Variants in CA10 observed in about 807,000 individuals in gnomAD.
CA10 encodes carbonic anhydrase-related protein 10.
CA10 carries 14 observed loss-of-function variants against 44.2 expected under a neutral mutation model. The observed-to-expected ratio is 0.32, with a 90% CI of 0.21 to 0.50. The LOEUF is 0.50. CA10 is among the 20% of genes least tolerant of loss of function. The pLI, the probability that CA10 is intolerant of heterozygous loss-of-function variation, is 0.99. For synonymous variants in CA10, 159 were observed against 141.6 expected, an observed-to-expected ratio of 1.12 and a Z score of -0.87; for missense variants, 350 against 409.7, an observed-to-expected ratio of 0.85 and a Z score of 1.26.
intron 2 of CA10, among the ~76,000 whole-genome samples, chr17:51,938,637 C>T (rs1030768274): frequency 2.0e-5 from 3 of 152,054 alleles, no homozygotes; most frequent in African/African-American, 7.2e-5. Flanking sequence ...CTTATTTGTG[C>T]AGCAGCAGCT....
intron 1 of CA10, among the ~76,000 whole-genome samples, chr17:52,143,774 A>G (rs1159401649): frequency 1.3e-5 from 2 of 152,166 alleles, no homozygotes; most frequent in Non-Finnish European, 2.9e-5. Flanking sequence ...CTGCATTCTC[A>G]GTTGTAATCC....
At chr17:51,804,909 T>G (rs7218006) in intron 3 of CA10, among the ~76,000 whole-genome samples, 1 of 152,036 alleles carries the variant, frequency 6.6e-6, no homozygotes, top group Non-Finnish European at 1.5e-5. Context: ...AGTTCCTTAA[T>G]TGCAAATTTT....
At chr17:52,135,415 C>T (rs928301955) in intron 1 of CA10, among the ~76,000 whole-genome samples, 11 of 152,154 alleles carry the variant, frequency 7.2e-5, no homozygotes, top group African/African-American at 2.7e-4. Flanking sequence ...CTCAAAACTC[C>T]ACCCTTGGAT....
chr17:52,054,519 T>C (rs1424961645), intron 2 of CA10, among the ~76,000 whole-genome samples: 1 of 152,134 alleles, frequency 6.6e-6, no homozygotes, highest in African/African-American at 2.4e-5. Flanking sequence ...TTTTGTTACC[T>C]TGTAAAACAT....
intron 5 of CA10, among the ~76,000 whole-genome samples, chr17:51,649,891 A>AAAAAT (rs1555579438): frequency 1.3e-5 from 2 of 151,362 alleles, no homozygotes; most frequent in Non-Finnish European, 2.9e-5. Context: ...AAAAAAAAAA[A>AAAAAT]CTGAAAAGTA....
chr17:51,711,233 A>G (rs1915934569), intron 4 of CA10, among the ~76,000 whole-genome samples: 1 of 152,190 alleles, frequency 6.6e-6, no homozygotes, highest in South Asian at 2.1e-4. Context: ...TTAGGTTCAT[A>G]TCACTACTCA....
chr17:51,748,466 C>T (rs1179710441), intron 3 of CA10: 2 of 985,314 alleles, frequency 2.0e-6, no homozygotes, highest in Non-Finnish European at 1.2e-6. Context: ...CCCCTTCAAA[C>T]TGCTAACATG....
At chr17:52,075,174 A>G (rs1987786005) in intron 1 of CA10, among the ~76,000 whole-genome samples, 1 of 152,222 alleles carries the variant, frequency 6.6e-6, no homozygotes, top group Non-Finnish European at 1.5e-5. Context: ...TTTAACTATA[A>G]TACAAGGGGG....
intron 1 of CA10, among the ~76,000 whole-genome samples, chr17:52,083,994 G>T (rs1988051240): frequency 6.6e-6 from 1 of 152,142 alleles, no homozygotes; most frequent in African/African-American, 2.4e-5. Flanking sequence ...TAAATTGTGA[G>T]CCAACTTGTG....
chr17:51,752,903 A>G (rs1331497076), intron 3 of CA10, among the ~76,000 whole-genome samples: 1 of 152,212 alleles, frequency 6.6e-6, no homozygotes, highest in Non-Finnish European at 1.5e-5. Flanking sequence ...TGGGTGACAG[A>G]GTGAGACTGC....
intron 2 of CA10, among the ~76,000 whole-genome samples, chr17:52,042,933 A>G (rs1005795108): frequency 6.6e-6 from 1 of 151,972 alleles, no homozygotes; most frequent in African/African-American, 2.4e-5. Flanking sequence ...CTGGTCTCTT[A>G]GTCTGTTCTA....
At chr17:51,670,753 T>G (rs1000467647) in intron 4 of CA10, among the ~76,000 whole-genome samples, 1 of 152,236 alleles carries the variant, frequency 6.6e-6, no homozygotes, top group Admixed American at 6.5e-5. Context: ...GTTAGCCTGT[T>G]CTGATGCATT....
At chr17:51,923,250 C>A (rs1379141391) in intron 3 of CA10, among the ~76,000 whole-genome samples, 1 of 152,062 alleles carries the variant, frequency 6.6e-6, no homozygotes, top group Admixed American at 6.6e-5. Flanking sequence ...ATTGATCGAC[C>A]TTTTTGTTTT....
intron 2 of CA10, among the ~76,000 whole-genome samples, chr17:52,037,782 T>G (rs1296308173): frequency 2.0e-5 from 3 of 152,146 alleles, no homozygotes; most frequent in African/African-American, 7.2e-5. Context: ...CTAGCCTCTG[T>G]GCCTTTGGTC....
At chr17:52,116,800 C>T (rs1988907562) in intron 1 of CA10, among the ~76,000 whole-genome samples, 1 of 152,082 alleles carries the variant, frequency 6.6e-6, no homozygotes, top group South Asian at 2.1e-4. Context: ...CTTCCCTCTC[C>T]CTGTGCACAC....
At chr17:52,112,731 A>G (rs1988812591) in intron 1 of CA10, among the ~76,000 whole-genome samples, 1 of 152,228 alleles carries the variant, frequency 6.6e-6, no homozygotes, top group South Asian at 2.1e-4. Context: ...TTCAATAACT[A>G]TTAGCCATTA....
chr17:52,092,154 G>A (rs2143214172), intron 1 of CA10, among the ~76,000 whole-genome samples: 1 of 152,142 alleles, frequency 6.6e-6, no homozygotes, highest in East Asian at 1.9e-4. Flanking sequence ...GCATTTCTAT[G>A]AGTGTCTGTT....
At chr17:51,641,151 GCTCTCTCTCTCTCTC>G (rs1428327999) in intron 6 of CA10, among the ~76,000 whole-genome samples, 5 of 143,916 alleles carry the variant, frequency 3.5e-5, no homozygotes, top group South Asian at 2.1e-4. Flanking sequence ...CTCTCTCTCA[GCTCTCTCTCTCTCTC>G]CTCTCTCTCT....
intron 2 of CA10, among the ~76,000 whole-genome samples, chr17:52,060,859 A>G (rs1204581609): frequency 6.6e-6 from 1 of 152,170 alleles, no homozygotes; most frequent in African/African-American, 2.4e-5. Context: ...TTCTACGTTG[A>G]CCTGCATTGG....
Sources: gnomAD v4.1 joint callset for allele counts (sites outside exome capture counted in the v4.1 genomes callset) on GRCh38, gnomAD v4.1.1 for gene constraint, MANE v1.5 for transcripts, NCBI Gene and HGNC (gene_info 2026-07-23, HGNC 2026-07-21) for gene names.